The following WWOX variants were observed in gnomAD, a reference collection of about 807,000 sequenced individuals.
The protein encoded by WWOX is WW domain containing oxidoreductase.
WWOX carries 69 observed loss-of-function variants against 46.2 expected under a neutral mutation model. The ratio of observed to expected loss-of-function variants is 1.49; its 90% confidence interval spans 1.23 to 1.82. The LOEUF (loss-of-function observed/expected upper bound fraction) is 1.82. Among genes scored for constraint, WWOX ranks in the 40% most tolerant of loss-of-function variants. WWOX has a pLI of 0.00. For missense variants in WWOX, 919 were observed against 542.6 expected (o/e 1.69, Z -6.89); for synonymous variants, 359 against 202.6 (o/e 1.77, Z -6.56).
intron 8 of WWOX, among the ~76,000 whole-genome samples, chr16:79,122,654 A>G (rs1298513475): frequency 6.7e-6 from 1 of 149,638 alleles, no homozygotes; most frequent in African/African-American, 2.5e-5. Flanking sequence ...TTTCACGCTA[A>G]TTCCTTAATT....
chr16:78,563,000 A>G (rs1273547077), intron 8 of WWOX, among the ~76,000 whole-genome samples: 4 of 150,338 alleles, frequency 2.7e-5, no homozygotes, highest in Non-Finnish European at 5.9e-5. Flanking sequence ...TTTTTTTTTA[A>G]TCCCTCCCCC....
chr16:78,572,594 C>A (rs188717685), intron 8 of WWOX, among the ~76,000 whole-genome samples: 3 of 103,112 alleles, frequency 2.9e-5, no homozygotes, highest in South Asian at 3.3e-4. Flanking sequence ...CAGAGTAAGA[C>A]TCTGTCTCAA....
chr16:78,732,176 C>T (rs917082060), intron 8 of WWOX, among the ~76,000 whole-genome samples: 3 of 152,030 alleles, frequency 2.0e-5, no homozygotes, highest in Non-Finnish European at 4.4e-5. Context: ...TGAATCTGGG[C>T]CACCTTTACT....
chr16:78,888,093 C>T (rs865927189), intron 8 of WWOX, among the ~76,000 whole-genome samples: 5 of 152,186 alleles, frequency 3.3e-5, no homozygotes, highest in Non-Finnish European at 4.4e-5. Flanking sequence ...AATGAATCAT[C>T]TTTGTGAAAT....
At chr16:79,164,987 G>C (rs1307575812) in intron 8 of WWOX, among the ~76,000 whole-genome samples, 1 of 152,074 alleles carries the variant, frequency 6.6e-6, no homozygotes, top group African/African-American at 2.4e-5. Flanking sequence ...TAAACAGTAA[G>C]TGTAAAATGT....
chr16:78,976,293 C>A (rs771360144), intron 8 of WWOX, among the ~76,000 whole-genome samples: 1 of 152,206 alleles, frequency 6.6e-6, no homozygotes, highest in South Asian at 2.1e-4. Flanking sequence ...TCTTTCTGAT[C>A]TTTATTTCTT....
chr16:78,894,058 A>C (rs1171344089), intron 8 of WWOX, among the ~76,000 whole-genome samples: 1 of 26,920 alleles, frequency 3.7e-5, no homozygotes, highest in East Asian at 1.2e-3. Context: ...TTATATTTTG[A>C]GACAGGGTCT....
intron 8 of WWOX, among the ~76,000 whole-genome samples, chr16:78,906,462 C>A (rs1057239007): frequency 6.6e-6 from 1 of 152,094 alleles, no homozygotes; most frequent in Non-Finnish European, 1.5e-5. Context: ...GCCCTGTCAT[C>A]AGCAGGGAGT....
Position 78,452,757 on chromosome 16 carries a change from A to G in WWOX, c.1056+20005A>G, listed in dbSNP as rs139805711. Among the ~76,000 whole-genome samples the G allele has an allele frequency of 1.0e-3, 159 of 151,944 alleles. 1 individual carries two copies. Among genetic ancestry groups the G allele is most frequent in the African/African-American group, 3.6e-3 (149 of 41,396 alleles). ...CTCCCGAAGTGCTGGGATTACAGGC[A>G]TGAACCACTGTGCCTAGCCTTAATA... On this transcript the variant is annotated intron_variant, in intron 8 of 8. Coordinates refer to ENST00000566780, the MANE Select transcript of WWOX (RefSeq NM_016373.4).
chr16:78,530,186 C>T (rs554401501), intron 8 of WWOX, among the ~76,000 whole-genome samples: 1 of 152,156 alleles, frequency 6.6e-6, no homozygotes, highest in African/African-American at 2.4e-5. Flanking sequence ...ATGCCCGTGA[C>T]CCCTGAAACC....
At chr16:78,694,219 T>C (rs2048051580) in intron 8 of WWOX, among the ~76,000 whole-genome samples, 1 of 151,932 alleles carries the variant, frequency 6.6e-6, no homozygotes, top group African/African-American at 2.4e-5. Context: ...TCTCAAAAAA[T>C]AAAATAAAAT....
chr16:79,007,367 C>T (rs1057455594), intron 8 of WWOX, among the ~76,000 whole-genome samples: 9 of 152,112 alleles, frequency 5.9e-5, no homozygotes, highest in African/African-American at 1.9e-4. Context: ...AAAGGTGTTC[C>T]AGGCAAAAGG....
chr16:79,126,150 G>A (rs2049749366), intron 8 of WWOX, among the ~76,000 whole-genome samples: 1 of 152,152 alleles, frequency 6.6e-6, no homozygotes, highest in Non-Finnish European at 1.5e-5. Flanking sequence ...GAGGTGAGCT[G>A]TCATTCTGGA....
At position 79,212,324 on chromosome 16, in the gene WWOX, T is replaced by G. The variant is rs2051793067; in HGVS notation, c.*528T>G. 1.3e-6 allele frequency: 1 copy of G among 783,458 alleles called. No homozygotes were observed. Among genetic ancestry groups the G allele is most frequent in the African/African-American group, 1.8e-5 (1 of 57,110 alleles). 48.5% of individuals were successfully genotyped at this position (783,458 alleles called of 1,614,324 possible). A position where few individuals can be genotyped will look rare whatever the true frequency, so the allele number is the denominator to read the frequency against. ...TGCTGGGGAGACAAATCTCAGAACC[T>G]TGTCCCAGCCAGTGAGGATGACAGT... On this transcript the variant is annotated 3_prime_UTR_variant, in exon 9 of 9. Transcript: ENST00000566780.
At chr16:78,500,244 A>G (rs569652698) in intron 8 of WWOX, among the ~76,000 whole-genome samples, 1 of 152,304 alleles carries the variant, frequency 6.6e-6, no homozygotes, top group Admixed American at 6.5e-5. Context: ...GGGCTTTAAA[A>G]TAAAACAGAA....
chr16:78,968,415 T>G (rs1260556403), intron 8 of WWOX, among the ~76,000 whole-genome samples: 2 of 152,240 alleles, frequency 1.3e-5, no homozygotes, highest in South Asian at 2.1e-4. Flanking sequence ...GACCAGGTCC[T>G]GGTGGTAGCC....
At chr16:78,893,280 C>A (rs551498873) in intron 8 of WWOX, among the ~76,000 whole-genome samples, 1 of 152,272 alleles carries the variant, frequency 6.6e-6, no homozygotes, top group East Asian at 1.9e-4. Context: ...GCCAACCTCC[C>A]AGTGCCACAG....
intron 8 of WWOX, among the ~76,000 whole-genome samples, chr16:78,888,555 G>A (rs1304174194): frequency 1.3e-5 from 2 of 152,138 alleles, no homozygotes; most frequent in South Asian, 2.1e-4. Context: ...ACTCAAAGAC[G>A]GCTTTTGTTT....
chr16:78,422,784 T>TATACACACATATATATAC (rs2082974229), intron 6 of WWOX, among the ~76,000 whole-genome samples: 1 of 107,292 alleles, frequency 9.3e-6, no homozygotes, highest in African/African-American at 6.6e-5. Flanking sequence ...CATATATATA[T>TATACACACATATATATAC]ACACACACAC....
Sources: allele counts gnomAD v4.1 joint callset (sites outside exome capture counted in the v4.1 genomes callset), GRCh38; gene constraint gnomAD v4.1.1; transcripts MANE v1.5; gene names NCBI Gene and HGNC (gene_info 2026-07-23, HGNC 2026-07-21).